Variants in FAM149A observed in about 807,000 individuals in gnomAD.
FAM149A encodes the protein family with sequence similarity 149 member A, also known as protein FAM149A.
FAM149A carries 71 observed loss-of-function variants against 78.2 expected under a neutral mutation model. The observed-to-expected ratio is 0.91, with a 90% CI of 0.75 to 1.11. The LOEUF (loss-of-function observed/expected upper bound fraction) is 1.11. FAM149A is among the 50% of genes least tolerant of loss of function. The pLI is 0.00. For synonymous variants in FAM149A, 446 were observed against 410.5 expected, an observed-to-expected ratio of 1.09 and a Z score of -1.04; for missense variants, 1,036 against 971.0, an observed-to-expected ratio of 1.07 and a Z score of -0.89.
chr4:186,151,493 C>G (rs1227975268), intron 3 of FAM149A, among the ~76,000 whole-genome samples: 1 of 151,956 alleles, frequency 6.6e-6, no homozygotes, highest in Non-Finnish European at 1.5e-5. Context: ...AAAAAAAAAT[C>G]TTGTATTTTG....
chr4:186,131,407 G>A (rs1254051712), intron 1 of FAM149A, among the ~76,000 whole-genome samples: 1 of 146,372 alleles, frequency 6.8e-6, no homozygotes, highest in Non-Finnish European at 1.5e-5. Flanking sequence ...ACACAAAGAA[G>A]AAGGCATTTG....
At chr4:186,106,351 T>A (rs1164473483) in intron 1 of FAM149A, among the ~76,000 whole-genome samples, 1 of 152,188 alleles carries the variant, frequency 6.6e-6, no homozygotes, top group African/African-American at 2.4e-5. Context: ...AGAGTCGTGA[T>A]AAAAACATTG....
intron 13 of FAM149A, among the ~76,000 whole-genome samples, chr4:186,167,849 C>T (rs778232293): frequency 1.1e-4 from 17 of 152,266 alleles, no homozygotes; most frequent in Non-Finnish European, 2.4e-4. Context: ...CACCCTCGCT[C>T]TGCCACCGGC....
intron 8 of FAM149A, chr4:186,158,060 C>G: frequency 9.5e-6 from 13 of 1,372,900 alleles, no homozygotes; most frequent in Non-Finnish European, 1.2e-5. Flanking sequence ...CTGAAGGGAC[C>G]TGGGAGAAGC....
At chr4:186,140,466 G>A (rs1386124200) in intron 1 of FAM149A, among the ~76,000 whole-genome samples, 1 of 37,636 alleles carries the variant, frequency 2.7e-5, no homozygotes, top group Non-Finnish European at 5.1e-5. Flanking sequence ...TTTTTTTTTT[G>A]TAGAGACAAC....
At chr4:186,169,669 A>G (rs554128374) in intron 13 of FAM149A, 2 of 985,412 alleles carry the variant, frequency 2.0e-6, no homozygotes, top group Non-Finnish European at 2.4e-6. Flanking sequence ...CACCTTCGGC[A>G]TATCACTCAC....
Position 186,171,922 on chromosome 4 carries a change from T to C in FAM149A, c.2227T>C (p.Tyr743His). ...TTGCTTGGTGTTTCCAGGTTCACAATATGTGCCTAAATCTTTTCAGAGGAC... is the reference window on the plus strand; with the variant it reads ...TTGCTTGGTGTTTCCAGGTTCACAACATGTGCCTAAATCTTTTCAGAGGAC... The change falls in exon 14 of 14, where the codon TAT becomes CAT. Residue 743 changes from tyrosine (Y) to histidine (H), a missense_variant. This residue lies in a region of FAM149A where 716 missense variants were observed against 711.8 expected (regional missense o/e 1.01). Transcript: ENST00000389354. 6.2e-7 allele frequency: 1 copy of C among 1,607,318 alleles called. No individual in the cohort carries two copies. Among genetic ancestry groups the C allele is most frequent in the South Asian group, 1.1e-5 (1 of 89,190 alleles).
At chr4:186,123,818 A>C (rs185048347) in intron 1 of FAM149A, 1 of 983,644 alleles carries the variant, frequency 1.0e-6, no homozygotes, top group Non-Finnish European at 1.2e-6. Flanking sequence ...CAGACCCTTC[A>C]CGGTCCTTGA....
Position 186,165,457 on chromosome 4 carries a change from T to C in FAM149A, c.2003T>C (p.Leu668Pro), listed in dbSNP as rs769410632. 38 of 1,614,038 alleles carry C rather than the reference T, an allele frequency of 2.4e-5. No individual in the cohort carries two copies. The South Asian group carries it at 4.1e-4, about 17-fold the overall frequency. The stretch of plus-strand genomic sequence containing the variant: ...AATACAGCAGTTCCTGGATGCCGCC[T>C]TGTTTCTGTAAGACAGATTTCATTC... The change falls in exon 11 of 14, where the codon CTT (leucine) becomes CCT (proline). Residue 668 changes from leucine (L) to proline (P), a missense_variant. By Grantham distance (98) the Leu-to-Pro change is moderately conservative. Transcript: ENST00000389354.
chr4:186,160,767 A>G (rs1421074191), intron 8 of FAM149A: 1 of 946,620 alleles, frequency 1.1e-6, no homozygotes, highest in Non-Finnish European at 1.2e-6. Flanking sequence ...CACACACACC[A>G]CATCACACCA....
rs77804665 is a variant in FAM149A at position 186,174,039 on chromosome 4, A to G, written c.*2052A>G. ...GATCCACTCAGGGTATTTTATGTCC[A>G]TTTCCAGGAACCATCCAACTCCTTC... On this transcript the variant is annotated 3_prime_UTR_variant, in exon 14 of 14. Transcript: ENST00000389354. Among the ~76,000 whole-genome samples the G allele has an allele frequency of 0.017, 1,832 of 105,270 alleles. 402 individuals carry two copies. Among genetic ancestry groups the G allele is most frequent in the African/African-American group, 0.051 (1,711 of 33,252 alleles). The allele number at this position is 105,270 out of a possible 152,430, so 69.1% of individuals were successfully genotyped here. A position where few individuals can be genotyped will look rare whatever the true frequency, so the allele number is the denominator to read the frequency against.
At chr4:186,166,446 C>T (rs535302167) in intron 11 of FAM149A, among the ~76,000 whole-genome samples, 47 of 152,166 alleles carry the variant, frequency 3.1e-4, no homozygotes, top group South Asian at 1.7e-3. Flanking sequence ...GGCAAGAGTT[C>T]GAGACCAGCC....
At chr4:186,116,398 T>G (rs1052450398) in intron 1 of FAM149A, 27 of 920,886 alleles carry the variant, frequency 2.9e-5, no homozygotes, top group African/African-American at 3.6e-5. Context: ...CTGTTCCTAT[T>G]TGGCCATCTT....
At position 186,157,968 on chromosome 4, in the gene FAM149A, G is replaced by T. The variant is rs751638348; in HGVS notation, c.1575+249G>T. On this transcript the variant is annotated intron_variant, in intron 8 of 13. Coordinates refer to ENST00000389354, the MANE Select transcript of FAM149A (RefSeq NM_001367768.3). ...CAAGTTCCTTGCGGTAGGAGCCCAC[G>T]CAGGCGGCACCACCCTTGGCTTCCA... is the stretch of plus-strand genomic sequence containing the variant. 2.3e-5 allele frequency: 35 copies of T among 1,512,948 alleles called. No individual in the cohort carries two copies. The African/African-American group carries it at 4.5e-4, about 20-fold the overall frequency. The allele number at this position is 1,512,948 out of a possible 1,614,324, so 93.7% of individuals were successfully genotyped here.
At chr4:186,157,915 T>A in intron 8 of FAM149A, 196 bp downstream of exon 8, 1 of 1,533,322 alleles carries the variant, frequency 6.5e-7, no homozygotes, top group Non-Finnish European at 8.7e-7. Flanking sequence ...GACCTGGACG[T>A]CCTGCCTATG....
In FAM149A at chr4:186,171,538, A is replaced by G. The variant is rs114631681; in HGVS notation, c.2219-376A>G. Among the ~76,000 whole-genome samples the G allele has an allele frequency of 1.8e-3, 268 of 152,304 alleles. 1 individual carries two copies. The highest frequency in any genetic ancestry group is 2.6e-3 in the Non-Finnish European group (177 of 68,028). On this transcript the variant is annotated intron_variant, in intron 13 of 13. Transcript: ENST00000389354. ...AGAAAAAAAAAGGAGCCAAAGGGGT[A>G]TTCCAGGTAGTGGGAAGGATCCCTT...
Position 186,161,714 on chromosome 4 carries a change from A to G in FAM149A, c.1576-1131A>G, listed in dbSNP as rs146016901. ...TTTGGATAAATGTTAAAAAAAAATA[A>G]GTGGACAGCAAAGTTAACAGAATAA... On this transcript the variant is annotated intron_variant, in intron 8 of 13. Transcript: ENST00000389354. Among the ~76,000 whole-genome samples the G allele has an allele frequency of 8.4e-3, 1,279 of 152,330 alleles. 21 individuals are homozygous for G. The highest frequency in any genetic ancestry group is 0.029 in the African/African-American group (1,207 of 41,566).
rs577429380 is a variant in FAM149A at position 186,167,196 on chromosome 4, C to T, written c.2152C>T (p.Arg718Ter). The change falls in exon 13 of 14, where the codon CGA (arginine) becomes TGA (stop). Residue 718 changes from arginine to a stop codon, truncating the protein, a stop_gained. Transcript: ENST00000389354. LOFTEE classifies it high-confidence loss of function. Reference sequence around the variant, plus strand: ...TTTCTTCCAGCAGTCGGATACGCCTCGAAAAAGTTCATTGACACAAATGGA... The same window carrying T: ...TTTCTTCCAGCAGTCGGATACGCCTTGAAAAAGTTCATTGACACAAATGGA... 2.5e-6 allele frequency: 4 copies of T among 1,609,886 alleles called. No homozygotes were observed. Among genetic ancestry groups the T allele is most frequent in the African/African-American group, 1.3e-5 (1 of 74,852 alleles).
At chr4:186,140,801 A>C (rs2099325490) in intron 1 of FAM149A, among the ~76,000 whole-genome samples, 1 of 152,252 alleles carries the variant, frequency 6.6e-6, no homozygotes, top group Admixed American at 6.5e-5. Context: ...GACTAAGTAC[A>C]GGTAACATTG....
Sources: gnomAD v4.1 joint callset for allele counts (sites outside exome capture counted in the v4.1 genomes callset) on GRCh38, gnomAD v4.1.1 for gene constraint, gnomAD v4.1.1 regional missense constraint, MANE v1.5 for transcripts, NCBI Gene and HGNC (gene_info 2026-07-23, HGNC 2026-07-21) for gene names.